Variants in CPNE4 observed in about 807,000 individuals in gnomAD.
CPNE4 encodes the protein copine 4, also known as copine-4.
In CPNE4, 25 loss-of-function variants were observed where a neutral mutation model predicts 67.9. That is an observed-to-expected ratio of 0.37 (90% CI 0.27 to 0.51). CPNE4 has a LOEUF of 0.51. CPNE4 is among the 20% of genes least tolerant of loss of function. CPNE4 has a pLI of 0.93. For synonymous variants in CPNE4, 242 were observed against 244.9 expected, an observed-to-expected ratio of 0.99 and a Z score of 0.11; for missense variants, 464 against 690.8, an observed-to-expected ratio of 0.67 and a Z score of 3.68.
chr3:131,999,241 T>TTAAA (rs1219108091), intron 1 of CPNE4, among the ~76,000 whole-genome samples: 3 of 98,834 alleles, frequency 3.0e-5, no homozygotes, highest in Non-Finnish European at 5.6e-5. Context: ...TTATCCAAGG[T>TTAAA]AAAAAAAAAA....
At chr3:131,946,863 G>C (rs138785058) in intron 1 of CPNE4, among the ~76,000 whole-genome samples, 19 of 152,088 alleles carry the variant, frequency 1.2e-4, no homozygotes, top group Non-Finnish European at 2.8e-4. Flanking sequence ...GATCTATTTT[G>C]AGTTAATTTT....
intron 7 of CPNE4, among the ~76,000 whole-genome samples, chr3:131,651,115 A>G (rs928897208): frequency 1.3e-5 from 2 of 152,182 alleles, no homozygotes; most frequent in African/African-American, 2.4e-5. Context: ...TGTAGGCAGA[A>G]AGGCAAAAGA....
chr3:131,984,562 G>A (rs1040485680), intron 1 of CPNE4, among the ~76,000 whole-genome samples: 6 of 152,172 alleles, frequency 3.9e-5, no homozygotes, highest in South Asian at 2.1e-4. Flanking sequence ...CTGCTATCAA[G>A]TGTTTATTGA....
chr3:131,627,206 AAAAAG>A (rs1560007628), intron 7 of CPNE4, among the ~76,000 whole-genome samples: 19 of 149,018 alleles, frequency 1.3e-4, no homozygotes, highest in African/African-American at 4.9e-4. Context: ...AAAAAAAAAA[AAAAAG>A]AAAAAAAGAA....
chr3:131,654,497 T>C (rs540616937), intron 7 of CPNE4, among the ~76,000 whole-genome samples: 39 of 152,284 alleles, frequency 2.6e-4, no homozygotes, highest in South Asian at 8.3e-4. Flanking sequence ...GAACATGCAG[T>C]ATTTGGTTTT....
At chr3:131,792,925 G>GTGTGTGTGTATATATA (rs58502463) in intron 2 of CPNE4, among the ~76,000 whole-genome samples, 2 of 135,138 alleles carry the variant, frequency 1.5e-5, no homozygotes, top group Admixed American at 7.7e-5. Flanking sequence ...GTGTGTGTGT[G>GTGTGTGTGTATATATA]TATCTCCAAC....
chr3:131,737,689 C>A (rs535227498), intron 2 of CPNE4, among the ~76,000 whole-genome samples: 1 of 152,278 alleles, frequency 6.6e-6, no homozygotes, highest in South Asian at 2.1e-4. Context: ...CCCCAATGTT[C>A]ATTCTCTTTT....
At chr3:131,637,150 G>T (rs2079410840) in intron 7 of CPNE4, among the ~76,000 whole-genome samples, 1 of 152,094 alleles carries the variant, frequency 6.6e-6, no homozygotes. Flanking sequence ...ACCCCCAAAA[G>T]ATCATACTAG....
rs549961797 is a variant in CPNE4, at chr3:131,693,260, A to G, written c.507+3282T>C. ...ACTTTTGGTCTTAAGACCCCTTTAC[A>G]TTCTTAAAAGTTATTGGGGATACCA... On this transcript the variant is annotated intron_variant, in intron 5 of 15. Transcript: ENST00000429747. 4.5e-4 allele frequency among the ~76,000 whole-genome samples: 68 copies of G among 152,162 alleles called. 1 individual carries two copies. Among genetic ancestry groups the G allele is most frequent in the Admixed American group, 3.5e-3 (53 of 15,256 alleles).
rs533929034 is a variant in CPNE4, at chr3:131,823,187, A to G, written c.180+82077T>C. Among the ~76,000 whole-genome samples the G allele has an allele frequency of 2.4e-3, 373 of 152,280 alleles. 2 individuals carry two copies. The highest frequency in any genetic ancestry group is 8.6e-3 in the African/African-American group (358 of 41,560). On this transcript the variant is annotated intron_variant, in intron 2 of 15. Coordinates refer to ENST00000429747, the MANE Select transcript of CPNE4 (RefSeq NM_130808.3). ...AGTTTTTTTATGCAGGAAAAAGAGGAAGGAAACTAATATTTATTGAAAGTA... is the reference window on the plus strand; with the variant it reads ...AGTTTTTTTATGCAGGAAAAAGAGGGAGGAAACTAATATTTATTGAAAGTA...
intron 1 of CPNE4, among the ~76,000 whole-genome samples, chr3:131,965,845 G>C (rs1262587249): frequency 6.6e-6 from 1 of 152,118 alleles, no homozygotes; most frequent in African/African-American, 2.4e-5. Context: ...GGATATTCGG[G>C]ATTTGAACTC....
At chr3:131,947,807 GC>G (rs1306965091) in intron 1 of CPNE4, among the ~76,000 whole-genome samples, 1 of 152,050 alleles carries the variant, frequency 6.6e-6, no homozygotes, top group Admixed American at 6.5e-5. Flanking sequence ...TTGAGGAATT[GC>G]CACGCTCTCT....
chr3:131,984,613 C>T (rs1283026332), intron 1 of CPNE4, among the ~76,000 whole-genome samples: 1 of 152,164 alleles, frequency 6.6e-6, no homozygotes, highest in Non-Finnish European at 1.5e-5. Flanking sequence ...CCCTTTTTCC[C>T]TGAACGATTT....
At chr3:131,836,090 A>T (rs984452907) in intron 2 of CPNE4, among the ~76,000 whole-genome samples, 3 of 152,174 alleles carry the variant, frequency 2.0e-5, no homozygotes, top group Non-Finnish European at 2.9e-5. Context: ...GAAATATCAC[A>T]CTGGTTTCAG....
chr3:131,869,993 G>T lies in CPNE4; in HGVS notation c.180+35271C>A, dbSNP rs2087124783. Among the ~76,000 whole-genome samples the T allele has an allele frequency of 2.0e-5, 3 of 152,086 alleles. No individual in the cohort carries two copies. In the South Asian group the frequency reaches 6.2e-4, roughly 32 times the overall value. On this transcript the variant is annotated intron_variant, in intron 2 of 15. Transcript: ENST00000429747. The stretch of plus-strand genomic sequence containing the variant: ...GAGACATACAAGGGAACATATTTAG[G>T]GTTCCTTAATTTTGTTAAGAAGGAA...
At chr3:132,020,858 A>G (rs769834986) in intron 1 of CPNE4, among the ~76,000 whole-genome samples, 1 of 152,214 alleles carries the variant, frequency 6.6e-6, no homozygotes, top group Non-Finnish European at 1.5e-5. Context: ...AGGAAGTCTC[A>G]AATGTTGCTG....
intron 1 of CPNE4, among the ~76,000 whole-genome samples, chr3:132,010,152 A>T (rs2073717171): frequency 6.6e-6 from 1 of 152,198 alleles, no homozygotes; most frequent in South Asian, 2.1e-4. Context: ...TTCTAGCTCT[A>T]TGGCCTTGGG....
intron 7 of CPNE4, among the ~76,000 whole-genome samples, chr3:131,616,443 A>G (rs1308478844): frequency 6.6e-6 from 1 of 152,224 alleles, no homozygotes. Context: ...GAGTGTGGCC[A>G]GATTTCCTGT....
At chr3:131,651,414 C>T (rs942597395) in intron 7 of CPNE4, among the ~76,000 whole-genome samples, 2 of 152,236 alleles carry the variant, frequency 1.3e-5, no homozygotes, top group African/African-American at 4.8e-5. Flanking sequence ...CCTTTCATTA[C>T]TGAAGATGAT....
Sources: gnomAD v4.1 joint callset for allele counts (sites outside exome capture counted in the v4.1 genomes callset) on GRCh38, gnomAD v4.1.1 for gene constraint, MANE v1.5 for transcripts, NCBI Gene and HGNC (gene_info 2026-07-23, HGNC 2026-07-21) for gene names.